The following EYA3 variants were observed in gnomAD, a reference collection of about 807,000 sequenced individuals.
EYA3 encodes protein phosphatase EYA3.
In EYA3, 39 loss-of-function variants were observed where a neutral mutation model predicts 80.0. The observed-to-expected ratio is 0.49, with a 90% CI of 0.38 to 0.64. EYA3 has a LOEUF of 0.64. Ranked by LOEUF, EYA3 falls within the 30% of genes least tolerant of loss-of-function variation. The pLI, the probability that EYA3 is intolerant of heterozygous loss-of-function variation, is 0.00. For missense variants in EYA3, 523 were observed against 676.1 expected (o/e 0.77, Z 2.51); for synonymous variants, 206 against 232.8 (o/e 0.88, Z 1.05).
intron 6 of EYA3, among the ~76,000 whole-genome samples, chr1:28,033,647 T>C (rs531628337): frequency 7.4e-6 from 1 of 135,506 alleles, no homozygotes; most frequent in Non-Finnish European, 1.6e-5. Flanking sequence ...AATGTATTAT[T>C]ATTATTATTA....
intron 7 of EYA3, among the ~76,000 whole-genome samples, chr1:28,020,608 C>T (rs1188894073): frequency 2.0e-5 from 3 of 150,656 alleles, no homozygotes; most frequent in African/African-American, 4.9e-5. Context: ...CACTGCCTGC[C>T]CTACCCCACA....
intron 11 of EYA3, 39 bp downstream of exon 11, chr1:28,004,297 C>T (rs772203234): frequency 7.0e-7 from 1 of 1,424,678 alleles, no homozygotes; most frequent in Non-Finnish European, 9.9e-7. Context: ...ACTATATAGT[C>T]AGAAGAGGGA....
chr1:27,988,419 G>T, intron 16 of EYA3, 116 bp downstream of exon 16: 1 of 1,134,070 alleles, frequency 8.8e-7, no homozygotes, highest in Non-Finnish European at 1.2e-6. Context: ...CTGTTGTGAG[G>T]ACTGTAGGTA....
intron 7 of EYA3, among the ~76,000 whole-genome samples, 177 bp downstream of exon 7, chr1:28,027,612 C>G (rs760410937): frequency 6.6e-6 from 1 of 152,172 alleles, no homozygotes; most frequent in Non-Finnish European, 1.5e-5. Flanking sequence ...AACCACACTC[C>G]TAAGCTGTGG....
At chr1:27,976,285 C>T (rs1429505557) in intron 17 of EYA3, among the ~76,000 whole-genome samples, 1 of 152,020 alleles carries the variant, frequency 6.6e-6, no homozygotes, top group Non-Finnish European at 1.5e-5. Context: ...AATGGCAAAA[C>T]CCTGTCTCTA....
At position 28,053,524 on chromosome 1, in the gene EYA3, G is replaced by C. The variant is rs141258211; in HGVS notation, c.33+4470C>G. On this transcript the variant is annotated intron_variant, in intron 2 of 17. Coordinates refer to ENST00000373871, the MANE Select transcript of EYA3 (RefSeq NM_001990.4). The stretch of plus-strand genomic sequence containing the variant: ...ATCCAGGCTCAAGGCTAAGTTCTGA[G>C]AGTTAATTCACTGCGTGTCTTTTCT... Among the ~76,000 whole-genome samples, 699 of 152,234 alleles carry C rather than the reference G, an allele frequency of 4.6e-3. 5 individuals are homozygous for C. Among genetic ancestry groups the C allele is most frequent in the African/African-American group, 0.016 (669 of 41,536 alleles).
intron 4 of EYA3, 59 bp from the exon 5 acceptor site, chr1:28,038,964 G>A: frequency 1.9e-6 from 2 of 1,080,824 alleles, no homozygotes; most frequent in Non-Finnish European, 1.4e-6. Context: ...AATGGAATGG[G>A]AAAACTGCAC....
At chr1:28,002,720 G>A (rs1408135815) in intron 11 of EYA3, among the ~76,000 whole-genome samples, 1 of 152,090 alleles carries the variant, frequency 6.6e-6, no homozygotes, top group Non-Finnish European at 1.5e-5. Context: ...ACTGAGGCAG[G>A]AGGATTGCTT....
At chr1:28,038,466 C>CAAAAAAAAAAAAAA (rs1643589508) in intron 5 of EYA3, among the ~76,000 whole-genome samples, 2 of 92,634 alleles carry the variant, frequency 2.2e-5, no homozygotes, top group African/African-American at 4.8e-5. Flanking sequence ...AAAAAAAAAC[C>CAAAAAAAAAAAAAA]GAACACAGAT....
chr1:28,055,720 C>T lies in EYA3; in HGVS notation c.33+2274G>A, dbSNP rs532311240. Among the ~76,000 whole-genome samples the T allele has an allele frequency of 2.0e-5, 3 of 152,260 alleles. No individual in the cohort carries two copies. The South Asian group carries it at 6.2e-4, about 32-fold the overall frequency. ...TCCTGGCCTCAAGTGATCCACCCAC[C>T]TCCACCACCCAAAGTGCTGGGATTA... On this transcript the variant is annotated intron_variant, in intron 2 of 17. Transcript: ENST00000373871.
At chr1:27,978,962 AAAACAAAC>A (rs767368662) in intron 16 of EYA3, among the ~76,000 whole-genome samples, 1 of 152,212 alleles carries the variant, frequency 6.6e-6, no homozygotes, top group Non-Finnish European at 1.5e-5. Context: ...ACTCTGTCTC[AAAACAAAC>A]AAACAAACAA....
In EYA3 at chr1:28,035,639, G is replaced by C. The variant is rs1643410001; in HGVS notation, c.266C>G (p.Ala89Gly). 1 of 1,613,986 alleles carries C rather than the reference G, an allele frequency of 6.2e-7. No homozygotes were observed. Among genetic ancestry groups the C allele is most frequent in the African/African-American group, 1.3e-5 (1 of 74,896 alleles). ...HILSVPVSET[A>G]YPGQTQYQTL... ...CTGGTATTGAGTCTGTCCAGGGTAA[G>C]CAGTTTCCGAAACAGGAACTGAGAG... Residue 89 changes from alanine to glycine, a missense_variant, in exon 6 of 18, where the codon GCT becomes GGT. Around this residue, in one of 2 missense-constraint regions of EYA3, gnomAD observed 304 missense variants for 343.3 expected, o/e 0.89. Transcript: ENST00000373871.
chr1:28,035,167 ACT>A (rs1004074697), intron 6 of EYA3, among the ~76,000 whole-genome samples: 1 of 152,100 alleles, frequency 6.6e-6, no homozygotes, highest in Non-Finnish European at 1.5e-5. Flanking sequence ...CACAGAGCAA[ACT>A]ATGATACATA....
At chr1:28,050,193 ATTATTATTATTT>A (rs1644188841) in intron 2 of EYA3, among the ~76,000 whole-genome samples, 1 of 87,166 alleles carries the variant, frequency 1.1e-5, no homozygotes, top group South Asian at 3.4e-4. Context: ...TATTATTATT[ATTATTATTATTT>A]TTTTTGAGAC....
rs1277172829 is a variant in EYA3 at position 27,970,485 on chromosome 1, CAG to C, written c.*3979_*3980del. ...TCCAATCAATGCCTTTTCCTGCTAA[CAG>C]AGGCATCTGAAGTTCAGAGGGAGAG... On this transcript the variant is annotated 3_prime_UTR_variant, in exon 18 of 18. Coordinates refer to ENST00000373871, the MANE Select transcript of EYA3 (RefSeq NM_001990.4). 2 of 152,218 alleles carry C rather than the reference CAG, an allele frequency of 1.3e-5. No homozygotes were observed. Among genetic ancestry groups the C allele is most frequent in the African/African-American group, 4.8e-5 (2 of 41,450 alleles). 9.4% of individuals were successfully genotyped at this position (152,218 alleles called of 1,614,324 possible).
intron 16 of EYA3, among the ~76,000 whole-genome samples, chr1:27,983,588 G>T (rs1639454034): frequency 1.3e-5 from 2 of 152,126 alleles, no homozygotes; most frequent in South Asian, 4.1e-4. Flanking sequence ...TTGTTTCAAG[G>T]TTTTTGCCTA....
At chr1:28,082,365 T>A (rs1388389017) in intron 1 of EYA3, among the ~76,000 whole-genome samples, 1 of 152,110 alleles carries the variant, frequency 6.6e-6, no homozygotes, top group African/African-American at 2.4e-5. Flanking sequence ...TTTGATTAAA[T>A]TTTTTTATTT....
Position 27,988,656 on chromosome 1 carries a change from T to C in EYA3, c.1419A>G (p.Arg473=), listed in dbSNP as rs1639824118. ...ALKSLLLIQS[R]KNCVNVLITT... is the part of the protein sequence containing the mutation. ...TGATCAGAACATTCACACAATTCTTTCTATAAGGGAGTAAAAGGGAAAAGA... is the reference window on the plus strand; with the variant it reads ...TGATCAGAACATTCACACAATTCTTCCTATAAGGGAGTAAAAGGGAAAAGA... Residue 473 remains arginine (R), a splice_region_variant and synonymous_variant, in exon 16 of 18, where the codon AGA becomes AGG. Coordinates refer to ENST00000373871, the MANE Select transcript of EYA3 (RefSeq NM_001990.4). 2 of 1,613,052 alleles carry C rather than the reference T, an allele frequency of 1.2e-6. No homozygotes were observed. The highest frequency in any genetic ancestry group is 1.7e-6 in the Non-Finnish European group (2 of 1,179,796).
At chr1:27,993,980 A>T (rs2815710) in intron 13 of EYA3, among the ~76,000 whole-genome samples, 2,077 of 152,366 alleles carry the variant, frequency 0.014, 48 homozygotes, top group African/African-American at 0.046. Context: ...TAAAATGCTA[A>T]CAATGGTAAG....
Sources: gnomAD v4.1 joint callset for allele counts (sites outside exome capture counted in the v4.1 genomes callset) on GRCh38, gnomAD v4.1.1 for gene constraint, gnomAD v4.1.1 regional missense constraint, MANE v1.5 for transcripts, NCBI Gene and HGNC (gene_info 2026-07-23, HGNC 2026-07-21) for gene names.